Variants in RYR2 observed in about 807,000 individuals in gnomAD.
The protein encoded by RYR2 is ryanodine receptor 2.
In RYR2, 227 loss-of-function variants were observed where a neutral mutation model predicts 601.1. The ratio of observed to expected loss-of-function variants is 0.38; its 90% CI spans 0.34 to 0.42. The LOEUF is 0.42. Ranked by LOEUF, RYR2 falls within the 10% of genes least tolerant of loss-of-function variation. The pLI is 1.00. For missense variants in RYR2, 4,646 were observed against 6,156.5 expected (o/e 0.75, Z 8.21); for synonymous variants, 2,223 against 2,175.1 (o/e 1.02, Z -0.61).
chr1:237,474,470 T>C (rs979866306), intron 17 of RYR2, among the ~76,000 whole-genome samples: 4 of 151,950 alleles, frequency 2.6e-5, no homozygotes, highest in Non-Finnish European at 4.4e-5. Flanking sequence ...TGAATACCTT[T>C]ACAGACAACC....
intron 40 of RYR2, 138 bp from the exon 41 acceptor site, chr1:237,627,669 C>A: frequency 1.2e-6 from 1 of 842,730 alleles, no homozygotes; most frequent in Non-Finnish European, 1.8e-6. Context: ...TTATTTTCTT[C>A]AAAGAATATC....
intron 1 of RYR2, among the ~76,000 whole-genome samples, chr1:237,223,385 G>A (rs553974232): frequency 7.9e-5 from 12 of 152,170 alleles, no homozygotes; most frequent in Admixed American, 3.9e-4. Flanking sequence ...CCTCTTAAAG[G>A]CCTCACCTTT....
intron 61 of RYR2, among the ~76,000 whole-genome samples, chr1:237,678,707 G>A (rs1685610487): frequency 6.6e-6 from 1 of 152,166 alleles, no homozygotes; most frequent in Admixed American, 6.5e-5. Flanking sequence ...GAGTTGTAAA[G>A]TCTCCGAATG....
intron 17 of RYR2, 141 bp from the exon 18 acceptor site, chr1:237,491,665 C>A: frequency 1.8e-6 from 1 of 560,138 alleles, no homozygotes; most frequent in Non-Finnish European, 3.2e-6. Flanking sequence ...TGTCACCTAT[C>A]ACAGTGCCTT....
At chr1:237,577,085 T>C (rs1673303404) in intron 29 of RYR2, among the ~76,000 whole-genome samples, 1 of 152,176 alleles carries the variant, frequency 6.6e-6, no homozygotes, top group Admixed American at 6.6e-5. Context: ...CACATACCCA[T>C]GACCCAGAAA....
At chr1:237,365,471 C>T (rs535036881) in intron 5 of RYR2, among the ~76,000 whole-genome samples, 8 of 152,212 alleles carry the variant, frequency 5.3e-5, no homozygotes, top group African/African-American at 1.4e-4. Flanking sequence ...TCAACCAGGA[C>T]GTGGAACATC....
intron 24 of RYR2, among the ~76,000 whole-genome samples, chr1:237,524,833 T>C (rs184468584): frequency 1.8e-4 from 27 of 152,288 alleles, no homozygotes; most frequent in African/African-American, 6.0e-4. Flanking sequence ...CTTTTTTCTG[T>C]TGAGACCTTT....
chr1:237,124,084 C>A (rs577907975), intron 1 of RYR2, among the ~76,000 whole-genome samples: 60 of 152,272 alleles, frequency 3.9e-4, no homozygotes, highest in African/African-American at 1.3e-3. Context: ...GATAGAGTTT[C>A]TATTTTATAG....
intron 8 of RYR2, among the ~76,000 whole-genome samples, chr1:237,380,237 G>A (rs1392111213): frequency 6.6e-6 from 1 of 150,720 alleles, no homozygotes; most frequent in Non-Finnish European, 1.5e-5. Flanking sequence ...AGATCAAGAA[G>A]TGAGTTCGTG....
chr1:237,046,306 T>A (rs2148101709), intron 1 of RYR2, among the ~76,000 whole-genome samples: 1 of 152,278 alleles, frequency 6.6e-6, no homozygotes, highest in East Asian at 1.9e-4. Context: ...AATTCAAATC[T>A]TAGGCTAATA....
At chr1:237,417,149 T>C in intron 11 of RYR2, 26 bp downstream of exon 11, 1 of 1,561,692 alleles carries the variant, frequency 6.4e-7, no homozygotes, top group African/African-American at 1.4e-5. Flanking sequence ...AAACACAGCC[T>C]AATGCACCAA....
At chr1:237,704,163 C>T (rs534313570) in intron 66 of RYR2, among the ~76,000 whole-genome samples, 2 of 151,956 alleles carry the variant, frequency 1.3e-5, no homozygotes, top group African/African-American at 2.4e-5. Flanking sequence ...TCTGTTTTCT[C>T]AATGAAGAAT....
chr1:237,062,496 T>G (rs990681604), intron 1 of RYR2, among the ~76,000 whole-genome samples: 1 of 152,348 alleles, frequency 6.6e-6, no homozygotes, highest in African/African-American at 2.4e-5. Context: ...TGTTTATTGA[T>G]GTCAATGCAA....
intron 66 of RYR2, among the ~76,000 whole-genome samples, chr1:237,704,712 G>A (rs1688229567): frequency 6.6e-6 from 1 of 151,374 alleles, no homozygotes; most frequent in Non-Finnish European, 1.5e-5. Context: ...AATTAATTTT[G>A]CGGTTATAAA....
At chr1:237,800,474 G>A (rs1045932398) in intron 97 of RYR2, among the ~76,000 whole-genome samples, 2 of 151,870 alleles carry the variant, frequency 1.3e-5, no homozygotes, top group Admixed American at 6.6e-5. Flanking sequence ...AACCCTTAGT[G>A]AAAAAAATCT....
intron 8 of RYR2, among the ~76,000 whole-genome samples, chr1:237,383,651 G>C (rs529981447): frequency 4.5e-4 from 69 of 151,920 alleles, no homozygotes; most frequent in East Asian, 2.1e-3. Context: ...GGATGGTCTC[G>C]ATCTCCTGAC....
At chr1:237,187,818 A>AGG (rs1679535467) in intron 1 of RYR2, among the ~76,000 whole-genome samples, 1 of 152,138 alleles carries the variant, frequency 6.6e-6, no homozygotes, top group African/African-American at 2.4e-5. Context: ...CTGTGTCCAG[A>AGG]GATTATTTGA....
intron 2 of RYR2, among the ~76,000 whole-genome samples, chr1:237,325,121 G>C (rs1696023192): frequency 6.6e-6 from 1 of 152,060 alleles, no homozygotes; most frequent in Non-Finnish European, 1.5e-5. Flanking sequence ...GAGGTAGAGT[G>C]GGATCCAAGC....
chr1:237,745,729 A>G (rs1573776887), intron 80 of RYR2, among the ~76,000 whole-genome samples: 1 of 152,216 alleles, frequency 6.6e-6, no homozygotes, highest in South Asian at 2.1e-4. Flanking sequence ...CTACCTTTGA[A>G]CTTAGAATAG....
Sources: allele counts gnomAD v4.1 joint callset (sites outside exome capture counted in the v4.1 genomes callset), GRCh38; gene constraint gnomAD v4.1.1; transcripts MANE v1.5; gene names NCBI Gene and HGNC (gene_info 2026-07-23, HGNC 2026-07-21).